The following PPFIA2 variants were observed in gnomAD, a reference collection of about 807,000 sequenced individuals.
PPFIA2 encodes the protein PPFI scaffold protein A2.
PPFIA2 carries 46 observed loss-of-function variants against 175.5 expected under a neutral mutation model. The observed-to-expected ratio is 0.26, with a 90% CI of 0.21 to 0.34. PPFIA2 has a LOEUF of 0.34. Ranked by LOEUF, PPFIA2 falls within the 10% of genes least tolerant of loss-of-function variation. The probability of loss-of-function intolerance (pLI) is 1.00; values close to 1 mark genes in which losing one functional copy is unlikely to be tolerated. For missense variants in PPFIA2, 1,179 were observed against 1,506.1 expected (o/e 0.78, Z 3.60); for synonymous variants, 568 against 511.4 (o/e 1.11, Z -1.49).
At chr12:81,698,790 C>A (rs2076178445) in intron 3 of PPFIA2, among the ~76,000 whole-genome samples, 1 of 151,974 alleles carries the variant, frequency 6.6e-6, no homozygotes, top group African/African-American at 2.4e-5. Context: ...ACACCACAAA[C>A]ACACACATCT....
chr12:81,698,646 C>T (rs866658080), intron 3 of PPFIA2, among the ~76,000 whole-genome samples: 2 of 151,786 alleles, frequency 1.3e-5, no homozygotes, highest in Admixed American at 6.6e-5. Flanking sequence ...TGAAGTAAAC[C>T]CTTTGTTGCA....
chr12:81,374,777 G>A lies in PPFIA2; in HGVS notation c.1132-9C>T. ...CTGTTTTTCTCTTCCATCTGAAATG[G>A]GAATGGGAGCAGAGACACTTAAAGA... On this transcript the variant is annotated splice_polypyrimidine_tract_variant and intron_variant, in intron 10 of 32. Transcript: ENST00000549396. 6.2e-7 allele frequency: 1 copy of A among 1,610,020 alleles called. No homozygotes were observed. Among genetic ancestry groups the A allele is most frequent in the Non-Finnish European group, 8.5e-7 (1 of 1,177,744 alleles).
Position 81,341,413 on chromosome 12 carries a change from T to TA in PPFIA2, c.2263-206dup, listed in dbSNP as rs201706145. ...ATATTTAAATTGGACACATTAAAAT[T>TA]AAAAAAAAATCATAGACCCACTACA... On this transcript the variant is annotated intron_variant, in intron 19 of 32. Transcript: ENST00000549396. 8.9e-3 allele frequency among the ~76,000 whole-genome samples: 1,317 copies of TA among 148,358 alleles called. 10 individuals carry two copies. Among genetic ancestry groups the TA allele is most frequent in the Admixed American group, 0.014 (206 of 14,590 alleles).
Position 81,746,033 on chromosome 12 carries a change from A to C in PPFIA2, c.249+7940T>G, listed in dbSNP as rs2083020030. On this transcript the variant is annotated intron_variant, in intron 3 of 32. Transcript: ENST00000549396. ...AAATATGGAGTTTGAGTTAAGACAA[A>C]ACTTACTGGTTGGACTATATCTTAG... is the stretch of plus-strand genomic sequence containing the variant. 1.8e-5 allele frequency among the ~76,000 whole-genome samples: 2 copies of C among 113,160 alleles called. 1 individual carries two copies. Among genetic ancestry groups the C allele is most frequent in the African/African-American group, 5.2e-5 (2 of 38,782 alleles). The allele number at this position is 113,160 out of a possible 152,430, so 74.2% of individuals were successfully genotyped here. A position where few individuals can be genotyped will look rare whatever the true frequency, so the allele number is the denominator to read the frequency against.
chr12:81,533,149 A>T (rs1422082400), intron 4 of PPFIA2, among the ~76,000 whole-genome samples: 3 of 151,740 alleles, frequency 2.0e-5, no homozygotes, highest in African/African-American at 7.3e-5. Flanking sequence ...TAATAAAATG[A>T]AATGTTTAAC....
chr12:81,699,575 T>C (rs991360630), intron 3 of PPFIA2, among the ~76,000 whole-genome samples: 10 of 151,864 alleles, frequency 6.6e-5, no homozygotes, highest in Non-Finnish European at 1.2e-4. Flanking sequence ...AGCTTCTTTC[T>C]TGACTATTTG....
intron 4 of PPFIA2, among the ~76,000 whole-genome samples, chr12:81,538,537 G>T (rs1208783713): frequency 6.6e-6 from 1 of 151,922 alleles, no homozygotes; most frequent in Non-Finnish European, 1.5e-5. Flanking sequence ...GAGGATGAGG[G>T]AAGGGGTATT....
chr12:81,281,377 C>T lies in PPFIA2; in HGVS notation c.3092G>A (p.Ser1031Asn). 6.2e-7 allele frequency: 1 copy of T among 1,611,466 alleles called. No homozygotes were observed. The highest frequency in any genetic ancestry group is 8.5e-7 in the Non-Finnish European group (1 of 1,177,946). Residue 1031 changes from serine (S) to asparagine (N), a missense_variant, in exon 27 of 33, where the codon AGC becomes AAC. Physicochemically the swap from Ser to Asn is conservative, Grantham distance 46. Transcript: ENST00000549396. ...HEWIGNEWLP[S>N]LGLPQYRSYF... ...ACTTCTGTACTGAGGTAACCCCAAG[C>T]TGGGAAGCCATTCATTTCCAATCCA...
intron 4 of PPFIA2, among the ~76,000 whole-genome samples, chr12:81,618,252 TCTGTG>T (rs2061610454): frequency 1.8e-5 from 2 of 109,886 alleles, no homozygotes; most frequent in African/African-American, 4.4e-5. Context: ...TATGTGTAAA[TCTGTG>T]TGTGTGTGTG....
At chr12:81,380,961 G>A (rs1258704331) in intron 9 of PPFIA2, among the ~76,000 whole-genome samples, 1 of 114,696 alleles carries the variant, frequency 8.7e-6, no homozygotes, top group East Asian at 2.8e-4. Context: ...CTTTCACAGT[G>A]CTGTGTGTGT....
At chr12:81,633,022 T>C (rs1307463306) in intron 4 of PPFIA2, among the ~76,000 whole-genome samples, 1 of 152,100 alleles carries the variant, frequency 6.6e-6, no homozygotes, top group African/African-American at 2.4e-5. Flanking sequence ...CTCTGCGTTA[T>C]ATCCACTTGG....
chr12:81,667,033 G>A (rs1262884602), intron 4 of PPFIA2, among the ~76,000 whole-genome samples: 1 of 152,046 alleles, frequency 6.6e-6, no homozygotes, highest in Non-Finnish European at 1.5e-5. Flanking sequence ...CTGACTCTAT[G>A]TGTACACTTG....
chr12:81,291,579 G>A (rs1179166119), intron 24 of PPFIA2, among the ~76,000 whole-genome samples: 2 of 151,894 alleles, frequency 1.3e-5, no homozygotes, highest in Non-Finnish European at 2.9e-5. Flanking sequence ...AAATTTGCCA[G>A]GCACTATTGC....
intron 3 of PPFIA2, among the ~76,000 whole-genome samples, chr12:81,747,552 T>C (rs574169630): frequency 6.9e-6 from 1 of 144,150 alleles, no homozygotes; most frequent in Non-Finnish European, 1.6e-5. Context: ...ACAATGATAA[T>C]ATCAGCAACA....
intron 8 of PPFIA2, among the ~76,000 whole-genome samples, chr12:81,396,459 A>C (rs2041153794): frequency 6.6e-6 from 1 of 152,086 alleles, no homozygotes. Context: ...AAGGCAATTC[A>C]GACAAAGGAA....
chr12:81,633,688 G>A (rs757051319), intron 4 of PPFIA2, among the ~76,000 whole-genome samples: 2 of 151,972 alleles, frequency 1.3e-5, no homozygotes, highest in Non-Finnish European at 2.9e-5. Context: ...ACAAACTAAG[G>A]ATCGCATTTA....
chr12:81,363,892 A>G (rs972000522), intron 14 of PPFIA2, among the ~76,000 whole-genome samples: 19 of 151,912 alleles, frequency 1.3e-4, no homozygotes, highest in African/African-American at 4.3e-4. Context: ...CATTATTTTC[A>G]CAAAAGTGCG....
intron 4 of PPFIA2, among the ~76,000 whole-genome samples, chr12:81,558,380 A>T (rs540078870): frequency 1.9e-4 from 29 of 152,346 alleles, no homozygotes; most frequent in African/African-American, 7.0e-4. Context: ...ACATTTCTTT[A>T]TCCTAGGGCA....
intron 16 of PPFIA2, among the ~76,000 whole-genome samples, chr12:81,355,067 T>C (rs145463205): frequency 0.014 from 2,134 of 152,294 alleles, 122 homozygotes; most frequent in Admixed American, 0.1. Flanking sequence ...TCACTACCTA[T>C]GGCAGTTATA....
Sources: allele counts gnomAD v4.1 joint callset (sites outside exome capture counted in the v4.1 genomes callset), GRCh38; gene constraint gnomAD v4.1.1; transcripts MANE v1.5; gene names NCBI Gene and HGNC (gene_info 2026-07-23, HGNC 2026-07-21).